Variants in PHLDB2 observed in about 807,000 individuals in gnomAD.
The protein encoded by PHLDB2 is pleckstrin homology like domain family B member 2.
PHLDB2 carries 71 observed loss-of-function variants against 123.6 expected under a neutral mutation model. That is an observed-to-expected ratio of 0.57 (90% CI 0.47 to 0.70). The LOEUF is 0.70. Ranked by LOEUF, PHLDB2 falls within the 30% of genes least tolerant of loss-of-function variation. The pLI is 0.00. For synonymous variants in PHLDB2, 547 were observed against 541.6 expected (o/e 1.01, Z -0.14); for missense variants, 1,446 against 1,519.5 (o/e 0.95, Z 0.80).
chr3:111,845,182 G>A (rs930182822), intron 1 of PHLDB2, among the ~76,000 whole-genome samples: 4 of 151,514 alleles, frequency 2.6e-5, no homozygotes, highest in African/African-American at 4.9e-5. Flanking sequence ...GTGAAACCCC[G>A]TCTCTACTAA....
intron 16 of PHLDB2, among the ~76,000 whole-genome samples, chr3:111,971,916 T>C (rs1458165998): frequency 6.6e-6 from 1 of 152,218 alleles, no homozygotes; most frequent in Non-Finnish European, 1.5e-5. Context: ...AACCGAGGCC[T>C]AGAAAATATG....
intron 2 of PHLDB2, among the ~76,000 whole-genome samples, chr3:111,894,261 T>C (rs2066685221): frequency 6.6e-6 from 1 of 152,090 alleles, no homozygotes; most frequent in Non-Finnish European, 1.5e-5. Flanking sequence ...TGTGGCTGCA[T>C]AGTATTCCAT....
chr3:111,738,676 A>G (rs953766840), intron 1 of PHLDB2, among the ~76,000 whole-genome samples: 7 of 152,074 alleles, frequency 4.6e-5, no homozygotes, highest in Non-Finnish European at 8.8e-5. Flanking sequence ...CTGTGTGTGT[A>G]TGTGTACTTT....
At chr3:111,820,810 C>G (rs1008821542) in intron 1 of PHLDB2, among the ~76,000 whole-genome samples, 1 of 152,224 alleles carries the variant, frequency 6.6e-6, no homozygotes, top group Non-Finnish European at 1.5e-5. Context: ...AATGTGAGAA[C>G]TATGGCACAT....
intron 1 of PHLDB2, among the ~76,000 whole-genome samples, chr3:111,788,010 A>T (rs2060765137): frequency 6.6e-6 from 1 of 152,208 alleles, no homozygotes; most frequent in Non-Finnish European, 1.5e-5. Context: ...GAATGGGAGC[A>T]TGAATTGGAA....
At chr3:111,746,331 C>A (rs1372949999) in intron 1 of PHLDB2, among the ~76,000 whole-genome samples, 1 of 152,138 alleles carries the variant, frequency 6.6e-6, no homozygotes, top group Non-Finnish European at 1.5e-5. Context: ...TCCTGGAAGT[C>A]CAATATCTAA....
chr3:111,764,822 G>GA, intron 1 of PHLDB2, among the ~76,000 whole-genome samples: 1 of 152,298 alleles, frequency 6.6e-6, no homozygotes, highest in African/African-American at 2.4e-5. Context: ...CAAAGTGCAG[G>GA]AAACAAGGTC....
At position 111,954,034 on chromosome 3, in the gene PHLDB2, G is replaced by T. The variant is rs372866978; in HGVS notation, c.2872+5G>T. On this transcript the variant is annotated splice_donor_5th_base_variant and intron_variant, in intron 12 of 17. Transcript: ENST00000431670. Reference sequence around the variant, plus strand: ...AATCTCGGAGGATGCTCAGAGGTACGTACCTTTTAAATCAAGTGTCATGGC... The same window carrying T: ...AATCTCGGAGGATGCTCAGAGGTACTTACCTTTTAAATCAAGTGTCATGGC... 1 of 1,610,472 alleles carries T rather than the reference G, an allele frequency of 6.2e-7. No individual in the cohort carries two copies. The highest frequency in any genetic ancestry group is 1.3e-5 in the African/African-American group (1 of 74,890).
chr3:111,909,985 G>T (rs1037531011), intron 2 of PHLDB2, among the ~76,000 whole-genome samples: 1 of 152,110 alleles, frequency 6.6e-6, no homozygotes, highest in Non-Finnish European at 1.5e-5. Context: ...ACACTGGTTG[G>T]TGTTAGTTAC....
At chr3:111,970,822 T>A (rs532460135) in intron 16 of PHLDB2, among the ~76,000 whole-genome samples, 1 of 152,228 alleles carries the variant, frequency 6.6e-6, no homozygotes, top group East Asian at 1.9e-4. Flanking sequence ...TCACCAGGAA[T>A]AGTAAAATGT....
rs1316194096 is a variant in PHLDB2 at position 111,966,801 on chromosome 3, TC to T, written c.3168+100del. 1.2e-5 allele frequency: 10 copies of T among 855,390 alleles called. No homozygotes were observed. In the Admixed American group the frequency reaches 1.8e-4, roughly 15 times the overall value. The allele number at this position is 855,390 out of a possible 1,614,324, so 53.0% of individuals were successfully genotyped here. A position where few individuals can be genotyped will look rare whatever the true frequency, so the allele number is the denominator to read the frequency against. ...TACTCCTCCTTAAGGAGCCGTGTGT[TC>T]CTGGAATAAATCACTCAACCTTTCT... On this transcript the variant is annotated intron_variant, in intron 14 of 17. Transcript: ENST00000431670.
chr3:111,801,803 A>G (rs1485294780), intron 1 of PHLDB2, among the ~76,000 whole-genome samples: 10 of 152,218 alleles, frequency 6.6e-5, no homozygotes, highest in Non-Finnish European at 1.5e-4. Context: ...GTCTATAGAG[A>G]CAGAACATAC....
intron 2 of PHLDB2, among the ~76,000 whole-genome samples, chr3:111,847,595 G>A (rs958421815): frequency 1.3e-5 from 2 of 152,096 alleles, no homozygotes; most frequent in African/African-American, 4.8e-5. Flanking sequence ...GCACAGTCTT[G>A]GATTTGATAC....
chr3:111,855,673 G>T, upstream of PHLDB2, among the ~76,000 whole-genome samples: 1 of 111,852 alleles, frequency 8.9e-6, no homozygotes, highest in Admixed American at 1.3e-4. Context: ...GTCTCACTCT[G>T]CCACCCAGGC....
At chr3:111,932,868 G>T (rs34358586) in intron 6 of PHLDB2, among the ~76,000 whole-genome samples, 2,650 of 152,214 alleles carry the variant, frequency 0.017, 32 homozygotes, top group Non-Finnish European at 0.028. Flanking sequence ...TCTTTCTGCT[G>T]GTTAGTGACA....
chr3:111,851,719 T>G (rs1490866032), intron 2 of PHLDB2, among the ~76,000 whole-genome samples: 1 of 152,124 alleles, frequency 6.6e-6, no homozygotes, highest in African/African-American at 2.4e-5. Flanking sequence ...AAGAAGCCAG[T>G]GCAAGTTTAG....
chr3:111,850,977 C>A (rs1055460587), intron 2 of PHLDB2, among the ~76,000 whole-genome samples: 1 of 151,634 alleles, frequency 6.6e-6, no homozygotes, highest in Non-Finnish European at 1.5e-5. Flanking sequence ...AGGCAGATCA[C>A]GAGGTCAGGA....
chr3:111,840,278 T>A (rs891136944), intron 1 of PHLDB2, among the ~76,000 whole-genome samples: 6 of 152,036 alleles, frequency 3.9e-5, no homozygotes, highest in African/African-American at 1.4e-4. Flanking sequence ...TAAAATAAAA[T>A]TAAAAGAATT....
chr3:111,846,219 C>T, intron 2 of PHLDB2: 1 of 313,200 alleles, frequency 3.2e-6, no homozygotes, highest in Non-Finnish European at 6.2e-6. Flanking sequence ...TTCCCAGTGA[C>T]TCATCAGTCA....
Sources: allele counts gnomAD v4.1 joint callset (sites outside exome capture counted in the v4.1 genomes callset), GRCh38; gene constraint gnomAD v4.1.1; transcripts MANE v1.5; gene names NCBI Gene and HGNC (gene_info 2026-07-23, HGNC 2026-07-21).